Variants in PCDHGA2 observed in about 807,000 individuals in gnomAD.
The protein encoded by PCDHGA2 is protocadherin gamma subfamily A, 2.
PCDHGA2 carries 40 observed loss-of-function variants against 59.2 expected under a neutral mutation model. That is an observed-to-expected ratio of 0.68 (90% CI 0.52 to 0.88). PCDHGA2 has a LOEUF of 0.88. Ranked by LOEUF, PCDHGA2 falls within the 40% of genes least tolerant of loss-of-function variation. PCDHGA2 has a pLI of 0.00. For missense variants in PCDHGA2, 1,226 were observed against 1,204.0 expected (o/e 1.02, Z -0.27); for synonymous variants, 560 against 526.0 (o/e 1.06, Z -0.89).
At chr5:141,410,619 C>T (rs757187051) in intron 1 of PCDHGA2, 8 of 1,603,614 alleles carry the variant, frequency 5.0e-6, no homozygotes, top group Admixed American at 3.3e-5. Flanking sequence ...ACTCTGACTT[C>T]GGTGAGTTTC....
chr5:141,497,693 C>T (rs2099778709), intron 2 of PCDHGA2, among the ~76,000 whole-genome samples: 2 of 152,136 alleles, frequency 1.3e-5, no homozygotes, highest in Admixed American at 6.5e-5. Context: ...GTGTGCACCA[C>T]CACACCCAGC....
In PCDHGA2 at chr5:141,422,312, C is replaced by T; in HGVS notation, c.2425-72495C>T. On this transcript the variant is annotated intron_variant, in intron 1 of 3. Coordinates refer to ENST00000394576, the MANE Select transcript of PCDHGA2 (RefSeq NM_018915.4). ...ATTAATTCAATTCTGGAAAACTCTC[C>T]TCCAGGTACAGTGATTGCTCTTCTA... The T allele has an allele frequency of 1.9e-6, 3 of 1,547,444 alleles. No individual in the cohort carries two copies. Among genetic ancestry groups the T allele is most frequent in the Non-Finnish European group, 1.7e-6 (2 of 1,153,976 alleles).
Position 141,418,146 on chromosome 5 carries a change from G to A in PCDHGA2, c.2425-76661G>A, listed in dbSNP as rs755513829. The A allele has an allele frequency of 1.1e-5, 18 of 1,613,970 alleles. No homozygotes were observed. In the South Asian group the frequency reaches 1.6e-4, roughly 15 times the overall value. ...GACCGAATAGACCGTGAGCAAATAT[G>A]CAAAGAGAGAAGAAGATGTGAGTTG... is the stretch of plus-strand genomic sequence containing the variant. On this transcript the variant is annotated intron_variant, in intron 1 of 3. Transcript: ENST00000394576.
Position 141,477,202 on chromosome 5 carries a change from C to G in PCDHGA2, c.2425-17605C>G. 1 of 1,614,182 alleles carries G rather than the reference C, an allele frequency of 6.2e-7. No homozygotes were observed. The highest frequency in any genetic ancestry group is 1.1e-5 in the South Asian group (1 of 91,074). On this transcript the variant is annotated intron_variant, in intron 1 of 3. Transcript: ENST00000394576. This position sits in a 1 kb window ranked among gnomAD's most constrained non-coding sequence, Gnocchi z 4.9. ...TCACCTCCGTGTACAGCCCAGTACC[C>G]GAGGATGCCCCTCTGGGGACTGTCA...
chr5:141,398,854 A>C, intron 1 of PCDHGA2: 1 of 1,613,984 alleles, frequency 6.2e-7, no homozygotes, highest in Non-Finnish European at 8.5e-7. Flanking sequence ...CCCGGTATTC[A>C]ACCGAGACGT....
At chr5:141,353,702 T>C (rs937146856) in intron 1 of PCDHGA2, among the ~76,000 whole-genome samples, 10 of 152,372 alleles carry the variant, frequency 6.6e-5, no homozygotes, top group Middle Eastern at 3.4e-3. Flanking sequence ...TCCATACTTC[T>C]TGTTTCTTTA....
chr5:141,432,870 T>C lies in PCDHGA2; in HGVS notation c.2425-61937T>C, dbSNP rs1022024380. The stretch of plus-strand genomic sequence containing the variant: ...GCGGTGGCCGCGGTCTCCTGCGTCT[T>C]CCTGGCCTTCGTCATCTTGCTGCTG... On this transcript the variant is annotated intron_variant, in intron 1 of 3. Transcript: ENST00000394576. This position sits in a 1 kb window ranked among gnomAD's most constrained non-coding sequence, Gnocchi z 6.0. The C allele has an allele frequency of 1.9e-6, 3 of 1,614,030 alleles. No homozygotes were observed. In the African/African-American group the frequency reaches 4.0e-5, roughly 22 times the overall value.
At position 141,511,241 on chromosome 5, in the gene PCDHGA2, C is replaced by T; in HGVS notation, c.*68C>T. On this transcript the variant is annotated 3_prime_UTR_variant, in exon 4 of 4. Transcript: ENST00000394576. ...CCAGCCCAGCTTCTCCTTACCTGCA[C>T]CCAGGCCTCAGAGTTTCAGGGCTAA... The T allele has an allele frequency of 2.5e-6, 4 of 1,585,214 alleles. No individual in the cohort carries two copies. Among genetic ancestry groups the T allele is most frequent in the Non-Finnish European group, 3.4e-6 (4 of 1,165,762 alleles).
intron 1 of PCDHGA2, chr5:141,377,279 AAT>A (rs1773851812): frequency 6.6e-6 from 1 of 152,110 alleles, no homozygotes; most frequent in African/African-American, 2.4e-5. Context: ...TGGGAAAAAA[AAT>A]AACCTTAATT....
chr5:141,412,385 A>G (rs1041538045), intron 1 of PCDHGA2: 8 of 152,236 alleles, frequency 5.3e-5, no homozygotes, highest in African/African-American at 1.9e-4. Flanking sequence ...AAATAGGTCC[A>G]TTTAACTTGT....
At chr5:141,380,091 G>A (rs538586012) in intron 1 of PCDHGA2, among the ~76,000 whole-genome samples, 1 of 151,688 alleles carries the variant, frequency 6.6e-6, no homozygotes, top group African/African-American at 2.4e-5. Context: ...GTAGAGATGG[G>A]GTTTTACCAT....
At chr5:141,473,779 T>C (rs2099328680) in intron 1 of PCDHGA2, among the ~76,000 whole-genome samples, 1 of 152,204 alleles carries the variant, frequency 6.6e-6, no homozygotes, top group Non-Finnish European at 1.5e-5. Context: ...GGTATTTTAA[T>C]TCAAGAGCAG....
In PCDHGA2 at chr5:141,489,844, C is replaced by A; in HGVS notation, c.2425-4963C>A. 2 of 1,614,148 alleles carry A rather than the reference C, an allele frequency of 1.2e-6. No individual in the cohort carries two copies. Among genetic ancestry groups the A allele is most frequent in the Non-Finnish European group, 1.7e-6 (2 of 1,179,982 alleles). On this transcript the variant is annotated intron_variant, in intron 1 of 3. Coordinates refer to ENST00000394576, the MANE Select transcript of PCDHGA2 (RefSeq NM_018915.4). The surrounding 1 kb of genome is among the most constrained non-coding windows in gnomAD (Gnocchi z 4.5). Reference sequence around the variant, plus strand: ...GCTGGTGCTAGAGCAGCAGCTGGATCGTGAAGCCCAGGCAAGACATCAGCT... The same window carrying A: ...GCTGGTGCTAGAGCAGCAGCTGGATAGTGAAGCCCAGGCAAGACATCAGCT...
intron 1 of PCDHGA2, chr5:141,377,130 G>A (rs1432999287): frequency 6.6e-6 from 1 of 152,218 alleles, no homozygotes; most frequent in Non-Finnish European, 1.5e-5. Flanking sequence ...TTAATTTTGT[G>A]GGGGAAAATA....
chr5:141,344,069 A>G, intron 1 of PCDHGA2: 1 of 1,600,450 alleles, frequency 6.2e-7, no homozygotes, highest in South Asian at 1.1e-5. Context: ...ATGGCAGAGG[A>G]CTGGCCCTGC....
At chr5:141,503,263 C>T (rs2099818883) in intron 2 of PCDHGA2, among the ~76,000 whole-genome samples, 2 of 152,212 alleles carry the variant, frequency 1.3e-5, no homozygotes, top group South Asian at 4.2e-4. Context: ...GCCACAACCC[C>T]AGCACCTGGC....
Position 141,361,471 on chromosome 5 carries a change from A to G in PCDHGA2, c.2424+20076A>G, listed in dbSNP as rs748732304. The G allele has an allele frequency of 3.1e-6, 5 of 1,613,870 alleles. No individual in the cohort carries two copies. The South Asian group carries it at 3.3e-5, about 11-fold the overall frequency. On this transcript the variant is annotated intron_variant, in intron 1 of 3. Transcript: ENST00000394576. ...TGTCACCCTGCACATCTCCGACGTC[A>G]ACGATAATGCCCCAGTTTTCCAACA...
At chr5:141,372,866 T>A in intron 1 of PCDHGA2, 1 of 1,393,006 alleles carries the variant, frequency 7.2e-7, no homozygotes, top group Non-Finnish European at 9.6e-7. Context: ...ATTCATTGAT[T>A]TAGAGATAAA....
In PCDHGA2 at chr5:141,485,145, A is replaced by G. The variant is rs766014792; in HGVS notation, c.2425-9662A>G. On this transcript the variant is annotated intron_variant, in intron 1 of 3. Coordinates refer to ENST00000394576, the MANE Select transcript of PCDHGA2 (RefSeq NM_018915.4). The surrounding 1 kb of genome is among the most constrained non-coding windows in gnomAD (Gnocchi z 5.7). Reference sequence around the variant, plus strand: ...GGGTCGGCTTCATCCGCGTCTCAGGAGCAAGTAGAGAATTAGCGGGCGGCA... The same window carrying G: ...GGGTCGGCTTCATCCGCGTCTCAGGGGCAAGTAGAGAATTAGCGGGCGGCA... The G allele has an allele frequency of 4.5e-6, 7 of 1,567,410 alleles. No individual in the cohort carries two copies. Among genetic ancestry groups the G allele is most frequent in the Non-Finnish European group, 6.1e-6 (7 of 1,142,014 alleles).
Sources: gnomAD v4.1 joint callset for allele counts (sites outside exome capture counted in the v4.1 genomes callset) on GRCh38, gnomAD v4.1.1 for gene constraint, Gnocchi (gnomAD v3.1) non-coding constraint, MANE v1.5 for transcripts, NCBI Gene and HGNC (gene_info 2026-07-23, HGNC 2026-07-21) for gene names.